The following PTPRR variants were observed in gnomAD, a reference collection of about 807,000 sequenced individuals.
The protein encoded by PTPRR is protein tyrosine phosphatase receptor type R.
A neutral mutation model predicts 77.2 loss-of-function variants in PTPRR; 38 were observed. That is an observed-to-expected ratio of 0.49 (90% CI 0.38 to 0.65). PTPRR has a LOEUF of 0.65. Ranked by LOEUF, PTPRR falls within the 30% of genes least tolerant of loss-of-function variation. PTPRR has a pLI of 0.00. For synonymous variants in PTPRR, 299 were observed against 283.1 expected (o/e 1.06, Z -0.57); for missense variants, 744 against 799.2 (o/e 0.93, Z 0.83).
intron 2 of PTPRR, among the ~76,000 whole-genome samples, chr12:70,890,435 C>G (rs955918312): frequency 7.2e-5 from 11 of 152,220 alleles, no homozygotes; most frequent in African/African-American, 2.6e-4. Flanking sequence ...AGAGACACAA[C>G]TTTCATGCCC....
chr12:70,702,712 T>C (rs1316316536), intron 6 of PTPRR, among the ~76,000 whole-genome samples: 1 of 152,212 alleles, frequency 6.6e-6, no homozygotes, highest in Non-Finnish European at 1.5e-5. Context: ...AATTTCTAAA[T>C]GGTTTGTAAT....
rs187237676 is a variant in PTPRR at position 70,743,646 on chromosome 12, G to A, written c.1007+2172C>T. On this transcript the variant is annotated intron_variant, in intron 6 of 13. Coordinates refer to ENST00000283228, the MANE Select transcript of PTPRR (RefSeq NM_002849.4). ...GGAACAAAGTAGGAGGTGAAGTGTG[G>A]GATGCAGTGAAGTTGTAGATAAGGG... Among the ~76,000 whole-genome samples, 555 of 152,174 alleles carry A rather than the reference G, an allele frequency of 3.6e-3. 2 individuals carry two copies. Among genetic ancestry groups the A allele is most frequent in the Non-Finnish European group, 5.8e-3 (392 of 68,000 alleles).
At chr12:70,815,801 T>G (rs912380842) in intron 2 of PTPRR, among the ~76,000 whole-genome samples, 1 of 152,178 alleles carries the variant, frequency 6.6e-6, no homozygotes, top group African/African-American at 2.4e-5. Context: ...CTCTTATTTC[T>G]ACAAAAGCAC....
At chr12:70,804,282 G>A (rs1891670774) in intron 2 of PTPRR, among the ~76,000 whole-genome samples, 1 of 152,030 alleles carries the variant, frequency 6.6e-6, no homozygotes, top group Non-Finnish European at 1.5e-5. Flanking sequence ...TGGGCCGGGT[G>A]CAGTGGCTCA....
chr12:70,913,815 G>A (rs1410915595), intron 1 of PTPRR, among the ~76,000 whole-genome samples: 1 of 152,108 alleles, frequency 6.6e-6, no homozygotes, highest in Non-Finnish European at 1.5e-5. Context: ...CTTGGTCAAT[G>A]TAAATTAATT....
chr12:70,644,438 A>G lies in PTPRR; in HGVS notation c.1881-5161T>C, dbSNP rs193294430. On this transcript the variant is annotated intron_variant, in intron 13 of 13. Transcript: ENST00000283228. Reference sequence around the variant, plus strand: ...GACCAGAGTATGTTAAGAGGGAAAAAGACAGCATACACTGTTGTCAAGACA... The same window carrying G: ...GACCAGAGTATGTTAAGAGGGAAAAGGACAGCATACACTGTTGTCAAGACA... Among the ~76,000 whole-genome samples, 10 of 152,320 alleles carry G rather than the reference A, an allele frequency of 6.6e-5. No homozygotes were observed. The East Asian group carries it at 1.9e-3, about 29-fold the overall frequency.
In PTPRR at chr12:70,719,141, T is replaced by C. The variant is rs113175200; in HGVS notation, c.1008-17818A>G. 1.7e-3 allele frequency among the ~76,000 whole-genome samples: 263 copies of C among 152,284 alleles called. 1 individual carries two copies. The highest frequency in any genetic ancestry group is 4.4e-3 in the Admixed American group (67 of 15,286). ...TCAAAATACGCTACGGAAATCATTT[T>C]TGACAAGAACTCTCGGGCTAAGCTT... On this transcript the variant is annotated intron_variant, in intron 6 of 13. Coordinates refer to ENST00000283228, the MANE Select transcript of PTPRR (RefSeq NM_002849.4).
chr12:70,750,906 C>CTT lies in PTPRR; in HGVS notation c.738+3283_738+3284dup, dbSNP rs35134063. ...ATCAGCCTGGATGATTTTTTAAACC[C>CTT]TTTTTTTTTTTTTTGTAAAGACAGG... On this transcript the variant is annotated intron_variant, in intron 5 of 13. Transcript: ENST00000283228. Among the ~76,000 whole-genome samples the CTT allele has an allele frequency of 8.4e-4, 119 of 141,172 alleles. 3 individuals are homozygous for CTT. The highest frequency in any genetic ancestry group is 2.5e-3 in the East Asian group (12 of 4,782). 92.6% of individuals were successfully genotyped at this position (141,172 alleles called of 152,430 possible).
intron 2 of PTPRR, among the ~76,000 whole-genome samples, chr12:70,836,245 C>T (rs1892300828): frequency 1.3e-5 from 2 of 151,814 alleles, no homozygotes; most frequent in Admixed American, 1.3e-4. Context: ...AGAGCTATCT[C>T]ATCTTTTCCT....
intron 13 of PTPRR, among the ~76,000 whole-genome samples, chr12:70,654,978 T>A (rs1409135290): frequency 1.3e-5 from 2 of 152,230 alleles, no homozygotes; most frequent in Admixed American, 1.3e-4. Context: ...GTACACTGAA[T>A]TACTGAGCAG....
At chr12:70,679,415 T>C (rs1352168484) in intron 10 of PTPRR, among the ~76,000 whole-genome samples, 3 of 152,178 alleles carry the variant, frequency 2.0e-5, no homozygotes, top group African/African-American at 4.8e-5. Context: ...ATTGGTCTAT[T>C]GTGTGGTTTA....
chr12:70,905,568 T>C (rs1290291722), intron 1 of PTPRR, among the ~76,000 whole-genome samples: 1 of 151,980 alleles, frequency 6.6e-6, no homozygotes, highest in Non-Finnish European at 1.5e-5. Flanking sequence ...ACAGTTGAAA[T>C]TGAAATTTCA....
At position 70,665,364 on chromosome 12, in the gene PTPRR, C is replaced by CTTTTTTTTTTTTTT. The variant is rs72472808; in HGVS notation, c.1498-2773_1498-2760dup. Among the ~76,000 whole-genome samples, 28 of 44,610 alleles carry CTTTTTTTTTTTTTT rather than the reference C, an allele frequency of 6.3e-4. 1 individual carries two copies. The highest frequency in any genetic ancestry group is 1.0e-3 in the Non-Finnish European group (23 of 22,420). 29.3% of individuals were successfully genotyped at this position (44,610 alleles called of 152,430 possible). On this transcript the variant is annotated intron_variant, in intron 10 of 13. Transcript: ENST00000283228. The stretch of plus-strand genomic sequence containing the variant: ...GATGTAACACAAAGCAATGCAAATT[C>CTTTTTTTTTTTTTT]TTTTTTTTTTTTTTTTTTTTTTTTT...
rs377346882 is a variant in PTPRR, at chr12:70,745,944, T to C, written c.881A>G (p.Gln294Arg). Reference sequence around the variant, plus strand: ...GACAACATTCAGTACCTTTGGGGCCTGCTCAGGTTGGACCATGCTGTGGAC... The same window carrying C: ...GACAACATTCAGTACCTTTGGGGCCCGCTCAGGTTGGACCATGCTGTGGAC... ...KTVHSMVQPE[Q>R]APKVLNVVVD... Residue 294 changes from glutamine (Q) to arginine (R), a missense_variant, in exon 6 of 14, where the codon CAG (glutamine) becomes CGG (arginine). Coordinates refer to ENST00000283228, the MANE Select transcript of PTPRR (RefSeq NM_002849.4). The C allele has an allele frequency of 5.9e-5, 95 of 1,614,036 alleles. 1 individual carries two copies. Among genetic ancestry groups the C allele is most frequent in the Non-Finnish European group, 7.8e-5 (92 of 1,180,034 alleles).
intron 1 of PTPRR, among the ~76,000 whole-genome samples, chr12:70,912,616 A>G (rs7304414): frequency 0.029 from 4,441 of 152,272 alleles, 213 homozygotes; most frequent in African/African-American, 0.1. Flanking sequence ...TGCAATTTTA[A>G]TGGACATCAA....
intron 2 of PTPRR, among the ~76,000 whole-genome samples, chr12:70,871,701 C>G (rs539085661): frequency 6.6e-6 from 1 of 152,086 alleles, no homozygotes; most frequent in Non-Finnish European, 1.5e-5. Context: ...ACATGATACT[C>G]CAGAAATATA....
chr12:70,649,863 C>T (rs931864565), intron 13 of PTPRR, among the ~76,000 whole-genome samples: 3 of 152,120 alleles, frequency 2.0e-5, no homozygotes, highest in East Asian at 1.9e-4. Flanking sequence ...CCTGAGACAC[C>T]GTGCCGGGCC....
chr12:70,691,848 A>C (rs536855820), intron 8 of PTPRR, among the ~76,000 whole-genome samples: 1 of 152,082 alleles, frequency 6.6e-6, no homozygotes, highest in East Asian at 1.9e-4. Flanking sequence ...CCTGCCTTCA[A>C]TCTTGCTTTT....
At chr12:70,672,730 G>C in intron 10 of PTPRR, 1 of 1,546,948 alleles carries the variant, frequency 6.5e-7, no homozygotes, top group Non-Finnish European at 8.8e-7. Flanking sequence ...CTTTTACCCA[G>C]GGGATGTCAT....
Sources: gnomAD v4.1 joint callset for allele counts (sites outside exome capture counted in the v4.1 genomes callset) on GRCh38, gnomAD v4.1.1 for gene constraint, MANE v1.5 for transcripts, NCBI Gene and HGNC (gene_info 2026-07-23, HGNC 2026-07-21) for gene names.